Variants in SETX observed in about 807,000 individuals in gnomAD.
SETX encodes senataxin.
In SETX, 90 loss-of-function variants were observed where a neutral mutation model predicts 227.2. That is an observed-to-expected ratio of 0.40 (90% CI 0.33 to 0.47). SETX has a LOEUF of 0.47. SETX is among the 20% of genes least tolerant of loss of function. The pLI is 0.91. For synonymous variants in SETX, 1,210 were observed against 1,113.2 expected (o/e 1.09, Z -1.73); for missense variants, 3,052 against 3,181.5 (o/e 0.96, Z 0.98).
At chr9:132,277,562 T>C (rs1210994039) in intron 21 of SETX, among the ~76,000 whole-genome samples, 1 of 152,122 alleles carries the variant, frequency 6.6e-6, no homozygotes, top group African/African-American at 2.4e-5. Context: ...GTGGATTGCT[T>C]GAGCTCAGGA....
rs1484785360 is a variant in SETX at position 132,333,434 on chromosome 9, C to T, written c.838+1174G>A. Among the ~76,000 whole-genome samples, 105 of 138,472 alleles carry T rather than the reference C, an allele frequency of 7.6e-4. 1 individual carries two copies. Among genetic ancestry groups the T allele is most frequent in the African/African-American group, 2.3e-3 (83 of 36,490 alleles). 90.8% of individuals were successfully genotyped at this position (138,472 alleles called of 152,430 possible). A position where few individuals can be genotyped will look rare whatever the true frequency, so the allele number is the denominator to read the frequency against. On this transcript the variant is annotated intron_variant, in intron 7 of 25. Coordinates refer to ENST00000224140, the MANE Select transcript of SETX (RefSeq NM_015046.7). ...ATATATATACACACACACACACACA[C>T]ACACACACACACACACACACACACG...
In SETX at chr9:132,326,354, G is replaced by A; in HGVS notation, c.5244C>T (p.Phe1748=). Residue 1748 remains phenylalanine (F), a synonymous_variant, in exon 10 of 26, where the codon TTC becomes TTT. Coordinates refer to ENST00000224140, the MANE Select transcript of SETX (RefSeq NM_015046.7). ...CAAAAGTATTCAATACCATCAAAGG[G>A]AAAAAAACATTAAAATAATCTCCAT... The part of the protein sequence containing the change: ...HNYGDYFNVF[F]PLMVLNTFET... The A allele has an allele frequency of 1.2e-6, 2 of 1,612,878 alleles. No homozygotes were observed. The highest frequency in any genetic ancestry group is 2.2e-5 in the East Asian group (1 of 44,864).
chr9:132,298,299 T>C lies in SETX; in HGVS notation c.5562A>G (p.Lys1854=). The part of the protein sequence containing the change: ...FRRTSVMRNG[K]TECYLSIQTQ... ...TCTGGATGGAAAGGTAACACTCAGTTTTCCCATTACGCACTATCATCAAGA... is the reference window on the plus strand; with the variant it reads ...TCTGGATGGAAAGGTAACACTCAGTCTTCCCATTACGCACTATCATCAAGA... The change falls in exon 13 of 26, where the codon AAA becomes AAG. Residue 1854 remains lysine (K), a synonymous_variant. Coordinates refer to ENST00000224140, the MANE Select transcript of SETX (RefSeq NM_015046.7). 6.2e-7 allele frequency: 1 copy of C among 1,614,032 alleles called. No individual in the cohort carries two copies. Among genetic ancestry groups the C allele is most frequent in the Non-Finnish European group, 8.5e-7 (1 of 1,179,886 alleles).
At chr9:132,323,155 G>A (rs1427266621) in intron 10 of SETX, among the ~76,000 whole-genome samples, 4 of 152,114 alleles carry the variant, frequency 2.6e-5, no homozygotes, top group African/African-American at 7.2e-5. Context: ...AAGATGACGG[G>A]GGTGGAGGAG....
chr9:132,310,281 A>G (rs1240586004), intron 11 of SETX, among the ~76,000 whole-genome samples: 11 of 152,278 alleles, frequency 7.2e-5, no homozygotes, highest in Non-Finnish European at 1.5e-5. Flanking sequence ...CTGAAGACAC[A>G]GAAAAATGCA....
At chr9:132,272,297 G>C (rs1240950701) in intron 23 of SETX, among the ~76,000 whole-genome samples, 1 of 152,000 alleles carries the variant, frequency 6.6e-6, no homozygotes, top group African/African-American at 2.4e-5. Flanking sequence ...AGGACTACAG[G>C]CATGGACCAC....
chr9:132,310,354 G>C (rs1845578734), intron 11 of SETX, among the ~76,000 whole-genome samples: 2 of 152,216 alleles, frequency 1.3e-5, no homozygotes, highest in African/African-American at 4.8e-5. Context: ...ATTTACTGAA[G>C]TTGAACTTAT....
chr9:132,340,830 A>G (rs1172225828), intron 5 of SETX, among the ~76,000 whole-genome samples: 3 of 152,198 alleles, frequency 2.0e-5, no homozygotes, highest in Non-Finnish European at 2.9e-5. Context: ...TTATTCATCT[A>G]AGGCAATGAT....
At chr9:132,334,513 C>G in intron 7 of SETX, 95 bp downstream of exon 7, 1 of 1,419,836 alleles carries the variant, frequency 7.0e-7, no homozygotes, top group South Asian at 1.2e-5. Context: ...ATTCTTTTCT[C>G]CACAACATAC....
At chr9:132,339,858 GC>G (rs1386290674) in intron 5 of SETX, among the ~76,000 whole-genome samples, 1 of 151,942 alleles carries the variant, frequency 6.6e-6, no homozygotes, top group African/African-American at 2.4e-5. Flanking sequence ...CAGGTGATCC[GC>G]CCACCTCAGC....
Position 132,327,680 on chromosome 9 carries a change from A to G in SETX, c.3918T>C (p.Tyr1306=). Residue 1306 remains tyrosine (Y), a synonymous_variant, in exon 10 of 26, where the codon TAT becomes TAC. Transcript: ENST00000224140. ...AYELSQRSLD[Y]VAQLRDHGKT... is the part of the protein sequence containing the mutation. ...TGCCATGATCACGTAATTGAGCTAC[A>G]TAATCCAAAGACCGCTGGGACAACT... The G allele has an allele frequency of 6.2e-7, 1 of 1,613,936 alleles. No homozygotes were observed. The highest frequency in any genetic ancestry group is 8.5e-7 in the Non-Finnish European group (1 of 1,179,964).
Position 132,264,040 on chromosome 9 carries a change from C to T in SETX, c.*199G>A. On this transcript the variant is annotated 3_prime_UTR_variant, in exon 26 of 26. Transcript: ENST00000224140. ...CTTCAAGGACATTATTACGGATACA[C>T]AATGCCCTCTGAAAGCTTTTGCAAA... 1 of 662,966 alleles carries T rather than the reference C, an allele frequency of 1.5e-6. No individual in the cohort carries two copies. 41.1% of individuals were successfully genotyped at this position (662,966 alleles called of 1,614,324 possible). A position where few individuals can be genotyped will look rare whatever the true frequency, so the allele number is the denominator to read the frequency against.
chr9:132,302,915 C>T lies in SETX; in HGVS notation c.5375-2112G>A, dbSNP rs560123477. On this transcript the variant is annotated intron_variant, in intron 11 of 25. Coordinates refer to ENST00000224140, the MANE Select transcript of SETX (RefSeq NM_015046.7). ...CCTGCAATCAAGATCAACTGATATT[C>T]CGACAAATATGCCAAGTTATTGAAT... is the stretch of plus-strand genomic sequence containing the variant. Among the ~76,000 whole-genome samples the T allele has an allele frequency of 1.4e-3, 215 of 152,210 alleles. 3 individuals are homozygous for T. The highest frequency in any genetic ancestry group is 5.0e-3 in the African/African-American group (207 of 41,522).
At position 132,326,357 on chromosome 9, in the gene SETX, A is replaced by C; in HGVS notation, c.5241T>G (p.Phe1747Leu). The C allele has an allele frequency of 2.5e-6, 4 of 1,613,456 alleles. No individual in the cohort carries two copies. Among genetic ancestry groups the C allele is most frequent in the Non-Finnish European group, 3.4e-6 (4 of 1,179,560 alleles). The change falls in exon 10 of 26, where the codon TTT becomes TTG. Residue 1747 changes from phenylalanine to leucine, a missense_variant. Around this residue, in one of 10 missense-constraint regions of SETX, gnomAD observed 239 missense variants for 272.1 expected, o/e 0.88. Coordinates refer to ENST00000224140, the MANE Select transcript of SETX (RefSeq NM_015046.7). ...AAGTATTCAATACCATCAAAGGGAAAAAAACATTAAAATAATCTCCATAAT... is the reference window on the plus strand; with the variant it reads ...AAGTATTCAATACCATCAAAGGGAACAAAACATTAAAATAATCTCCATAAT... ...FHNYGDYFNV[F>L]FPLMVLNTFE...
At chr9:132,265,113 T>C in intron 25 of SETX, 128 bp from the exon 26 acceptor site, 2 of 1,141,476 alleles carry the variant, frequency 1.8e-6, no homozygotes, top group East Asian at 2.5e-5. Flanking sequence ...CAAGATTCAT[T>C]ACTCGTCAGA....
intron 10 of SETX, among the ~76,000 whole-genome samples, chr9:132,314,029 T>C (rs1040601455): frequency 6.6e-6 from 1 of 152,112 alleles, no homozygotes; most frequent in African/African-American, 2.4e-5. Context: ...CCTCGTGGGT[T>C]CAAGCGATTC....
At chr9:132,303,371 A>C (rs1337318837) in intron 11 of SETX, among the ~76,000 whole-genome samples, 1 of 151,242 alleles carries the variant, frequency 6.6e-6, no homozygotes, top group East Asian at 1.9e-4. Flanking sequence ...TAATCCTTAC[A>C]TATGTCATAT....
At position 132,328,561 on chromosome 9, in the gene SETX, C is replaced by A; in HGVS notation, c.3037G>T (p.Val1013Phe). 6.2e-7 allele frequency: 1 copy of A among 1,614,010 alleles called. No homozygotes were observed. Among genetic ancestry groups the A allele is most frequent in the Non-Finnish European group, 8.5e-7 (1 of 1,179,996 alleles). The change falls in exon 10 of 26, where the codon GTT (valine) becomes TTT (phenylalanine). Residue 1013 changes from valine to phenylalanine, a missense_variant. Val to Phe is a conservative substitution (Grantham distance 50). This residue lies in a region of SETX where 1,483 missense variants were observed against 1,312.0 expected (regional missense o/e 1.13). Coordinates refer to ENST00000224140, the MANE Select transcript of SETX (RefSeq NM_015046.7). ...TCATCAGAATCTGAAATAATAATAA[C>A]CTGTCCACGGGAGGTATCTCCAACA... ...NNVGDTSRGQ[V>F]IIISDSDDDD...
Position 132,269,702 on chromosome 9 carries a change from T to C in SETX, c.7200A>G (p.Gly2400=), listed in dbSNP as rs767939556. The change falls in exon 25 of 26, where the codon GGA becomes GGG. Residue 2400 remains glycine (G), a splice_region_variant and synonymous_variant. Transcript: ENST00000224140. The stretch of plus-strand genomic sequence containing the variant: ...TCAATCTCTGCAAACTTGCCAGGAA[T>C]CTAGGCAATAAAAAAAGAGTTCCTT... ...VRANSIQGSI[G]FLASLQRLNV... 29 of 1,613,998 alleles carry C rather than the reference T, an allele frequency of 1.8e-5. No homozygotes were observed. The highest frequency in any genetic ancestry group is 2.0e-5 in the Non-Finnish European group (24 of 1,179,952).
Sources: allele counts gnomAD v4.1 joint callset (sites outside exome capture counted in the v4.1 genomes callset), GRCh38; gene constraint gnomAD v4.1.1; regional missense constraint gnomAD v4.1.1; transcripts MANE v1.5; gene names NCBI Gene and HGNC (gene_info 2026-07-23, HGNC 2026-07-21).